PSMB5: variants seen among roughly 807,000 people sequenced by gnomAD.
PSMB5 encodes the protein proteasome subunit beta type-5.
A neutral mutation model predicts 22.8 loss-of-function variants in PSMB5; 2 were observed. The ratio of observed to expected loss-of-function variants is 0.09; its 90% CI spans 0.04 to 0.28. The LOEUF (loss-of-function observed/expected upper bound fraction) is 0.28. Among genes scored for constraint, PSMB5 ranks in the 10% least tolerant of loss-of-function variants. The pLI, the probability that PSMB5 is intolerant of heterozygous loss-of-function variation, is 1.00. For missense variants in PSMB5, 269 were observed against 343.8 expected (o/e 0.78, Z 1.72); for synonymous variants, 133 against 135.3 (o/e 0.98, Z 0.12).
intron 2 of PSMB5, among the ~76,000 whole-genome samples, chr14:23,029,943 A>G (rs1424768290): frequency 6.6e-5 from 10 of 151,932 alleles, no homozygotes; most frequent in South Asian, 2.1e-4. Context: ...CACCACGCCC[A>G]GCTAATTTTT....
chr14:23,034,948 C>T (rs926129039), upstream of PSMB5: 5 of 1,541,568 alleles, frequency 3.2e-6, no homozygotes, highest in South Asian at 6.0e-5. Flanking sequence ...CAACGCCTCG[C>T]CGTCACAGCT....
Position 23,032,183 on chromosome 14 carries a change from G to A in PSMB5, c.505+1185C>T, listed in dbSNP as rs369297562. Among the ~76,000 whole-genome samples, 10 of 151,786 alleles carry A rather than the reference G, an allele frequency of 6.6e-5. No individual in the cohort carries two copies. In the East Asian group the frequency reaches 9.7e-4, roughly 15 times the overall value. On this transcript the variant is annotated intron_variant, in intron 2 of 2. Transcript: ENST00000361611. ...GAAGAGGCCGGGTGCAGCGGCTCAC[G>A]CCTTTAATCCTGGCACTTTGGGAGG...
In PSMB5 at chr14:23,033,638, C is replaced by A. The variant is rs1306095400; in HGVS notation, c.235G>T (p.Ala79Ser). The A allele has an allele frequency of 4.3e-6, 7 of 1,611,236 alleles. No individual in the cohort carries two copies. Among genetic ancestry groups the A allele is most frequent in the Non-Finnish European group, 5.9e-6 (7 of 1,177,610 alleles). ...HGVIVAADSRATAGAYIASQT... is the reference protein window; with the variant it reads ...HGVIVAADSRSTAGAYIASQT... ...GAGGCAATGTAAGCACCCGCTGTAG[C>A]CCTGGAGTCAGCTGCAACTATGACT... The change falls in exon 2 of 3, where the codon GCT becomes TCT. Residue 79 changes from alanine to serine, a missense_variant. By Grantham distance (99) the Ala-to-Ser change is moderately conservative. Around this residue, in one of 3 missense-constraint regions of PSMB5, gnomAD observed 75 missense variants for 143.2 expected, o/e 0.52. Coordinates refer to ENST00000361611, the MANE Select transcript of PSMB5 (RefSeq NM_002797.5).
chr14:23,026,683 C>A (rs2046916370), intron 2 of PSMB5, among the ~76,000 whole-genome samples: 1 of 151,572 alleles, frequency 6.6e-6, no homozygotes, highest in Non-Finnish European at 1.5e-5. Flanking sequence ...CTCCTGACCT[C>A]TGGGGATCTG....
intron 2 of PSMB5, chr14:23,027,690 G>T: frequency 3.3e-6 from 4 of 1,219,954 alleles, no homozygotes; most frequent in South Asian, 1.4e-5. Flanking sequence ...TTAATATTAA[G>T]ACTCCAGGAT....
In PSMB5 at chr14:23,033,231, A is replaced by G. The variant is rs765486053; in HGVS notation, c.505+137T>C. 152 of 955,552 alleles carry G rather than the reference A, an allele frequency of 1.6e-4. 1 individual carries two copies. The Middle Eastern group carries it at 1.7e-3, about 11-fold the overall frequency. 59.2% of individuals were successfully genotyped at this position (955,552 alleles called of 1,614,324 possible). A position where few individuals can be genotyped will look rare whatever the true frequency, so the allele number is the denominator to read the frequency against. On this transcript the variant is annotated intron_variant, in intron 2 of 2. Coordinates refer to ENST00000361611, the MANE Select transcript of PSMB5 (RefSeq NM_002797.5). ...CACAGTCTAAAAAAACAGGAAAAAA[A>G]AAAAGAGAGAAGGAAGGGCTAAGGA...
chr14:23,034,484 C>A, intron 1 of PSMB5, 200 bp downstream of exon 1: 1 of 634,604 alleles, frequency 1.6e-6, no homozygotes, highest in Non-Finnish European at 2.7e-6. Context: ...ACCCCCGGCC[C>A]CACCGCCACC....
chr14:23,033,140 T>C (rs951599289), intron 2 of PSMB5, among the ~76,000 whole-genome samples: 5 of 146,890 alleles, frequency 3.4e-5, no homozygotes, highest in African/African-American at 1.3e-4. Context: ...TTCCTGAACC[T>C]GGGGGCGGAG....
intron 2 of PSMB5, among the ~76,000 whole-genome samples, chr14:23,030,835 A>T (rs2046947672): frequency 5.3e-5 from 8 of 152,176 alleles, no homozygotes; most frequent in Admixed American, 5.2e-4. Context: ...CTGAGGCAGG[A>T]GATCACTTGA....
chr14:23,027,705 C>A, intron 2 of PSMB5: 1 of 1,414,656 alleles, frequency 7.1e-7, no homozygotes, highest in Non-Finnish European at 9.7e-7. Flanking sequence ...CAGGATTCTA[C>A]AACATACCAC....
chr14:23,027,394 A>T (rs1353032717), intron 2 of PSMB5, among the ~76,000 whole-genome samples: 7 of 138,674 alleles, frequency 5.0e-5, no homozygotes, highest in South Asian at 4.3e-4. Context: ...AAAAAAAAAA[A>T]TAATAATAAT....
chr14:23,030,744 T>G (rs1336558349), intron 2 of PSMB5, among the ~76,000 whole-genome samples: 4 of 151,804 alleles, frequency 2.6e-5, no homozygotes, highest in African/African-American at 9.7e-5. Context: ...CTGGCCAACA[T>G]GGTGAAACCC....
chr14:23,029,935 C>T (rs1319722372), intron 2 of PSMB5, among the ~76,000 whole-genome samples: 1 of 152,140 alleles, frequency 6.6e-6, no homozygotes, highest in Non-Finnish European at 1.5e-5. Context: ...GCGACCACCA[C>T]CACGCCCAGC....
chr14:23,035,000 C>T, upstream of PSMB5: 2 of 1,441,540 alleles, frequency 1.4e-6, no homozygotes, highest in South Asian at 1.5e-5. Flanking sequence ...GCCATTTTGA[C>T]TGCTGGCAAG....
chr14:23,034,642 G>C, intron 1 of PSMB5, 42 bp downstream of exon 1: 1 of 1,599,132 alleles, frequency 6.3e-7, no homozygotes, highest in Non-Finnish European at 8.5e-7. Context: ...GGCAAGTCGC[G>C]GGCGTTCAGT....
rs200724217 is a variant in PSMB5, at chr14:23,034,894, C to G, written c.-13G>C. On this transcript the variant is annotated 5_prime_UTR_variant, in exon 1 of 3. Coordinates refer to ENST00000361611, the MANE Select transcript of PSMB5 (RefSeq NM_002797.5). ...TGGCAAGCGCCATGTCTAGTGTGGGCAGAAAGAACTAATTCTGAGAACGCC... is the reference window on the plus strand; with the variant it reads ...TGGCAAGCGCCATGTCTAGTGTGGGGAGAAAGAACTAATTCTGAGAACGCC... The G allele has an allele frequency of 1.2e-4, 201 of 1,611,896 alleles. No individual in the cohort carries two copies. The Middle Eastern group carries it at 3.1e-3, about 25-fold the overall frequency.
At chr14:23,034,983 G>C, upstream of PSMB5, 1 of 1,455,974 alleles carries the variant, frequency 6.9e-7, no homozygotes, top group Non-Finnish European at 9.1e-7. Context: ...ATCTATTCCG[G>C]AATGGAGCCA....
chr14:23,034,384 C>T lies in PSMB5; in HGVS notation c.198+300G>A, dbSNP rs1223632808. The T allele has an allele frequency of 1.4e-5, 5 of 345,854 alleles. No individual in the cohort carries two copies. In the East Asian group the frequency reaches 3.0e-4, roughly 21 times the overall value. The allele number at this position is 345,854 out of a possible 1,614,324, so 21.4% of individuals were successfully genotyped here. A position where few individuals can be genotyped will look rare whatever the true frequency, so the allele number is the denominator to read the frequency against. On this transcript the variant is annotated intron_variant, in intron 1 of 2. Transcript: ENST00000361611. ...CCTCGGCCAAGATTCATTGTTGTTG[C>T]GGCCTTTCCCAGCTAGAAGATCCTG...
chr14:23,032,006 T>C (rs949744811), intron 2 of PSMB5, among the ~76,000 whole-genome samples: 7 of 152,068 alleles, frequency 4.6e-5, no homozygotes, highest in African/African-American at 1.7e-4. Flanking sequence ...GGAGAATCAC[T>C]TGAACCTGGG....
Sources: gnomAD v4.1 joint callset for allele counts (sites outside exome capture counted in the v4.1 genomes callset) on GRCh38, gnomAD v4.1.1 for gene constraint, gnomAD v4.1.1 regional missense constraint, MANE v1.5 for transcripts, NCBI Gene and HGNC (gene_info 2026-07-23, HGNC 2026-07-21) for gene names.